The following RTEL1 variants were observed in gnomAD, a reference collection of about 807,000 sequenced individuals.
RTEL1 encodes regulator of telomere elongation helicase 1, also known as regulator of telomere length.
In RTEL1, 86 loss-of-function variants were observed where a neutral mutation model predicts 162.2. The ratio of observed to expected loss-of-function variants is 0.53; its 90% confidence interval spans 0.45 to 0.63. The LOEUF is 0.63. Ranked by LOEUF, RTEL1 falls within the 30% of genes least tolerant of loss-of-function variation. The pLI is 0.00. For missense variants in RTEL1, 1,941 were observed against 1,750.2 expected (o/e 1.11, Z -1.95); for synonymous variants, 958 against 717.9 (o/e 1.33, Z -5.35).
chr20:63,665,767 C>T (rs2090113449), intron 6 of RTEL1, among the ~76,000 whole-genome samples: 1 of 152,174 alleles, frequency 6.6e-6, no homozygotes, highest in Non-Finnish European at 1.5e-5. Context: ...TCCGTCTGGT[C>T]CACCCTGAAC....
At chr20:63,684,874 G>A (rs2090555998) in intron 14 of RTEL1, among the ~76,000 whole-genome samples, 2 of 151,564 alleles carry the variant, frequency 1.3e-5, no homozygotes, top group South Asian at 4.2e-4. Context: ...TGACTAGAAT[G>A]TGTTGAATTC....
At chr20:63,674,594 C>T (rs2777937) in intron 10 of RTEL1, among the ~76,000 whole-genome samples, 67,000 of 151,644 alleles carry the variant, frequency 0.44, 15,331 homozygotes, top group Non-Finnish European at 0.49. Context: ...CAAGCTTTTC[C>T]GGAGGCCGAA....
At position 63,662,406 on chromosome 20, in the gene RTEL1, C is replaced by T. The variant is rs537191349; in HGVS notation, c.396-140C>T. The T allele has an allele frequency of 7.0e-5, 107 of 1,536,706 alleles. No individual in the cohort carries two copies. In the African/African-American group the frequency reaches 8.1e-4, roughly 12 times the overall value. ...CCGCTCGTCTTCTAGCTCCCTCCTA[C>T]GCCCGGGCCACGTTTCAGTTATGCT... On this transcript the variant is annotated intron_variant, in intron 4 of 34. Coordinates refer to ENST00000360203, the MANE Select transcript of RTEL1 (RefSeq NM_001283009.2).
At chr20:63,665,948 G>T (rs2090117740) in intron 6 of RTEL1, 56 bp from the exon 7 acceptor site, 3 of 1,544,612 alleles carry the variant, frequency 1.9e-6, no homozygotes, top group Non-Finnish European at 2.7e-6. Flanking sequence ...TCCCCCTGTG[G>T]TCTGGGACTT....
Position 63,661,050 on chromosome 20 carries a change from G to T in RTEL1, c.103-248G>T, listed in dbSNP as rs1023251146. Among the ~76,000 whole-genome samples, 1 of 152,266 alleles carries T rather than the reference G, an allele frequency of 6.6e-6. No homozygotes were observed. The highest frequency in any genetic ancestry group is 1.5e-5 in the Non-Finnish European group (1 of 68,048). On this transcript the variant is annotated intron_variant, in intron 2 of 34. Coordinates refer to ENST00000360203, the MANE Select transcript of RTEL1 (RefSeq NM_001283009.2). This position sits in a 1 kb window ranked among gnomAD's most constrained non-coding sequence, Gnocchi z 5.1. ...ATCTTACTATTTAAGCTGAAAAATA[G>T]TGTCGTGTTTTGGGTAACGTTCTGC...
chr20:63,672,174 G>A (rs1464614482), intron 8 of RTEL1, among the ~76,000 whole-genome samples: 3 of 152,128 alleles, frequency 2.0e-5, no homozygotes, highest in Non-Finnish European at 2.9e-5. Flanking sequence ...GAGCCACCGC[G>A]CCTGGCTGGG....
At chr20:63,672,507 C>A in intron 8 of RTEL1, 49 bp from the exon 9 acceptor site, 1 of 1,457,910 alleles carries the variant, frequency 6.9e-7, no homozygotes, top group Non-Finnish European at 9.4e-7. Context: ...TTCCCTCTTT[C>A]CCGGCCTCTG....
At chr20:63,672,283 G>T (rs1359543468) in intron 8 of RTEL1, among the ~76,000 whole-genome samples, 1 of 152,186 alleles carries the variant, frequency 6.6e-6, no homozygotes, top group Non-Finnish European at 1.5e-5. Context: ...GACTGCGGTG[G>T]CCGGGGGCTC....
chr20:63,680,698 G>A lies in RTEL1; in HGVS notation c.1170G>A (p.Gln390=). The A allele has an allele frequency of 6.2e-7, 1 of 1,613,426 alleles. No individual in the cohort carries two copies. The highest frequency in any genetic ancestry group is 2.2e-5 in the East Asian group (1 of 44,884). ...AGVFTNTAGL[Q]KLADIIQIVF... is the part of the protein sequence containing the mutation. ...TGTTCACCAACACGGCCGGACTGCA[G>A]AAGCTGGCGGACATTATCCAGGTGG... Residue 390 remains glutamine (Q), a synonymous_variant, in exon 14 of 35, where the codon CAG becomes CAA. Coordinates refer to ENST00000360203, the MANE Select transcript of RTEL1 (RefSeq NM_001283009.2).
rs1229398693 is a variant in RTEL1 at position 63,694,955 on chromosome 20, G to A, written c.3324G>A (p.Glu1108=). 6.2e-7 allele frequency: 1 copy of A among 1,612,428 alleles called. No individual in the cohort carries two copies. The highest frequency in any genetic ancestry group is 1.1e-5 in the South Asian group (1 of 91,084). ...VLAALTTAKP[E]DFPLLHRFSM... ...CCGCCCTGACCACTGCAAAGCCAGAGGACTTCCCCCTGCTGCACAGCAAGT... is the reference window on the plus strand; with the variant it reads ...CCGCCCTGACCACTGCAAAGCCAGAAGACTTCCCCCTGCTGCACAGCAAGT... Residue 1108 remains glutamate (E), a synonymous_variant, in exon 32 of 35, where the codon GAG becomes GAA. Transcript: ENST00000360203.
At chr20:63,672,325 C>T (rs932938796) in intron 8 of RTEL1, among the ~76,000 whole-genome samples, 1 of 152,170 alleles carries the variant, frequency 6.6e-6, no homozygotes, top group Non-Finnish European at 1.5e-5. Context: ...TCTTGCTGAG[C>T]GTGGCACGTG....
rs367809459 is a variant in RTEL1, at chr20:63,661,859, C to A, written c.311C>A (p.Thr104Lys). 10 of 1,613,984 alleles carry A rather than the reference C, an allele frequency of 6.2e-6. No homozygotes were observed. The highest frequency in any genetic ancestry group is 7.6e-6 in the Non-Finnish European group (9 of 1,179,904). ...AAAGDPIACYTDIPKIIYASR... is the reference protein window; with the variant it reads ...AAAGDPIACYKDIPKIIYASR... ...GCTTGTGTCTGGTCAGCTTGCTACA[C>A]GGACATCCCAAAGATTATTTACGCC... The change falls in exon 4 of 35, where the codon ACG becomes AAG. Residue 104 changes from threonine (T) to lysine (K), a missense_variant. Transcript: ENST00000360203. This position sits in a 1 kb window ranked among gnomAD's most constrained non-coding sequence, Gnocchi z 5.1.
intron 16 of RTEL1, 87 bp from the exon 17 acceptor site, chr20:63,687,551 G>A (rs1395111806): frequency 2.8e-6 from 4 of 1,404,318 alleles, no homozygotes; most frequent in Admixed American, 2.2e-5. Context: ...GCCAGTGGGT[G>A]GAGAGGGTGA....
chr20:63,680,158 G>A (rs867472128), intron 13 of RTEL1, among the ~76,000 whole-genome samples: 2 of 152,166 alleles, frequency 1.3e-5, no homozygotes, highest in Non-Finnish European at 2.9e-5. Context: ...TGGCGGCTTC[G>A]TCCTACAGCC....
intron 30 of RTEL1, among the ~76,000 whole-genome samples, chr20:63,693,516 A>ACCACCACCT (rs2090853423): frequency 6.7e-5 from 1 of 14,858 alleles, no homozygotes; most frequent in Non-Finnish European, 1.4e-4. Flanking sequence ...CACCTCCTCC[A>ACCACCACCT]CCACCACCAC....
At chr20:63,678,028 G>A (rs2090390797) in intron 10 of RTEL1, 117 bp from the exon 11 acceptor site, 1 of 1,169,900 alleles carries the variant, frequency 8.5e-7, no homozygotes, top group African/African-American at 1.5e-5. Context: ...ATTCTGTGTG[G>A]CCTCTTCCTT....
intron 1 of RTEL1, 127 bp from the exon 2 acceptor site, chr20:63,659,106 C>A (rs989094155): frequency 5.7e-6 from 2 of 352,008 alleles, no homozygotes; most frequent in African/African-American, 4.1e-5. Flanking sequence ...CCGCCAGCTC[C>A]TCGAGATGGG....
rs765909720 is a variant in RTEL1 at position 63,691,770 on chromosome 20, T to G, written c.2585T>G (p.Leu862Arg). ...QAHSCSTLSL[L>R]SEKRPAEEPR... Reference sequence around the variant, plus strand: ...CACAGCTGCTCCACCCTGTCCCTCCTGTCTGAGAAGAGGCCGGCAGAAGAA... The same window carrying G: ...CACAGCTGCTCCACCCTGTCCCTCCGGTCTGAGAAGAGGCCGGCAGAAGAA... The change falls in exon 28 of 35, where the codon CTG becomes CGG. Residue 862 changes from leucine (L) to arginine (R), a missense_variant. Physicochemically the swap from Leu to Arg is moderately radical, Grantham distance 102. Transcript: ENST00000360203. The G allele has an allele frequency of 1.2e-6, 2 of 1,612,476 alleles. No individual in the cohort carries two copies. The highest frequency in any genetic ancestry group is 4.5e-5 in the East Asian group (2 of 44,872).
rs975204179 is a variant in RTEL1, at chr20:63,662,762, G to T, written c.478-67G>T. The T allele has an allele frequency of 3.8e-6, 6 of 1,599,258 alleles. No homozygotes were observed. The African/African-American group carries it at 8.0e-5, about 21-fold the overall frequency. ...GGACTGCAGGGGAGGACCTGGTGGG[G>T]GTGGGGACTGGCTTCGGTCCTTTCT... On this transcript the variant is annotated intron_variant, in intron 5 of 34. Coordinates refer to ENST00000360203, the MANE Select transcript of RTEL1 (RefSeq NM_001283009.2).
Sources: allele counts gnomAD v4.1 joint callset (sites outside exome capture counted in the v4.1 genomes callset), GRCh38; gene constraint gnomAD v4.1.1; non-coding constraint Gnocchi (gnomAD v3.1); transcripts MANE v1.5; gene names NCBI Gene and HGNC (gene_info 2026-07-23, HGNC 2026-07-21).